Variants in CNGA1 observed in about 807,000 individuals in gnomAD.
The protein encoded by CNGA1 is cyclic nucleotide-gated channel alpha-1.
In CNGA1, 53 loss-of-function variants were observed where a neutral mutation model predicts 69.7. That is an observed-to-expected ratio of 0.76 (90% CI 0.61 to 0.96). The LOEUF is 0.96. Among genes scored for constraint, CNGA1 ranks in the 40% least tolerant of loss-of-function variants. The probability of loss-of-function intolerance (pLI) is 0.00; values close to 1 mark genes in which losing one functional copy is unlikely to be tolerated. For synonymous variants in CNGA1, 249 were observed against 283.5 expected (o/e 0.88, Z 1.22); for missense variants, 739 against 811.2 (o/e 0.91, Z 1.08).
intron 10 of CNGA1, 147 bp downstream of exon 10, chr4:47,940,616 G>T: frequency 1.6e-6 from 1 of 633,086 alleles, no homozygotes. Context: ...TTTATACATC[G>T]TGACTCTTGC....
chr4:47,941,521 A>G (rs912480737), intron 9 of CNGA1, among the ~76,000 whole-genome samples: 5 of 152,172 alleles, frequency 3.3e-5, no homozygotes, highest in African/African-American at 1.2e-4. Flanking sequence ...TTTTTTTCTC[A>G]TAGGTCAAAG....
intron 3 of CNGA1, among the ~76,000 whole-genome samples, chr4:47,960,510 A>C (rs908888747): frequency 6.6e-6 from 1 of 152,212 alleles, no homozygotes; most frequent in Non-Finnish European, 1.5e-5. Context: ...CACAAAAAAG[A>C]CACTAAATCT....
At chr4:47,986,974 ATTGTG>A (rs56279900) in intron 2 of CNGA1, among the ~76,000 whole-genome samples, 43,057 of 151,588 alleles carry the variant, frequency 0.28, 6,726 homozygotes, top group African/African-American at 0.43. Context: ...GGATAAGAGT[ATTGTG>A]TTGTGTTGTG....
intron 2 of CNGA1, among the ~76,000 whole-genome samples, chr4:47,997,169 TA>T (rs1249598359): frequency 4.6e-5 from 7 of 152,194 alleles, no homozygotes; most frequent in Non-Finnish European, 8.8e-5. Flanking sequence ...TATTGTTGCT[TA>T]TTACCCTTCC....
At chr4:47,995,013 T>C (rs1742424026) in intron 2 of CNGA1, among the ~76,000 whole-genome samples, 1 of 152,202 alleles carries the variant, frequency 6.6e-6, no homozygotes, top group South Asian at 2.1e-4. Context: ...ATAGAATCCC[T>C]TCTAGCTTGT....
Position 47,937,075 on chromosome 4 carries a change from T to C in CNGA1, c.1407A>G (p.Thr469=), listed in dbSNP as rs201553765. The C allele has an allele frequency of 3.5e-4, 557 of 1,614,238 alleles. 3 individuals carry two copies. The highest frequency in any genetic ancestry group is 4.5e-4 in the Non-Finnish European group (527 of 1,180,046). ...AEIAINVHLD[T]LKKVRIFADC... ...CAGCAAAAATGCGTACCTTTTTTAA[T>C]GTGTCTAAGTGAACGTTGATGGCAA... Residue 469 remains threonine, a synonymous_variant, in exon 11 of 11, where the codon ACA becomes ACG. Coordinates refer to ENST00000514170, the MANE Select transcript of CNGA1 (RefSeq NM_001379270.1).
chr4:47,970,156 T>A (rs1045574006), intron 3 of CNGA1, among the ~76,000 whole-genome samples: 1 of 152,162 alleles, frequency 6.6e-6, no homozygotes, highest in Non-Finnish European at 1.5e-5. Flanking sequence ...GTAGCCAAAC[T>A]GTTAATACCA....
intron 3 of CNGA1, among the ~76,000 whole-genome samples, chr4:47,957,892 ATTT>A (rs544231975): frequency 0.11 from 13,686 of 121,174 alleles, 1,005 homozygotes; most frequent in East Asian, 0.3. Flanking sequence ...TGTGTTTGTA[ATTT>A]TTTTTTTTTT....
intron 3 of CNGA1, among the ~76,000 whole-genome samples, chr4:47,956,358 A>G (rs11939197): frequency 0.01 from 1,597 of 152,338 alleles, 25 homozygotes; most frequent in Non-Finnish European, 0.015. Flanking sequence ...CTGTTGTGCC[A>G]GGTGCAGTGG....
At chr4:47,986,990 T>C (rs1355679927) in intron 2 of CNGA1, among the ~76,000 whole-genome samples, 2 of 152,064 alleles carry the variant, frequency 1.3e-5, no homozygotes, top group East Asian at 3.9e-4. Context: ...TTGTGTTGTG[T>C]TGTGTTGTGT....
In CNGA1 at chr4:47,936,784, G is replaced by A. The variant is rs201633176; in HGVS notation, c.1698C>T (p.Tyr566=). 1 of 1,613,070 alleles carries A rather than the reference G, an allele frequency of 6.2e-7. No individual in the cohort carries two copies. Among genetic ancestry groups the A allele is most frequent in the Admixed American group, 1.7e-5 (1 of 59,994 alleles). ...CTTTTGAGAGACAGAACAGGTCTGA[G>A]TAGCCAATACTTTTAATATTGGCCG... is the stretch of plus-strand genomic sequence containing the variant. The part of the protein sequence containing the change: ...RRTANIKSIG[Y]SDLFCLSKDD... Residue 566 remains tyrosine, a synonymous_variant, in exon 11 of 11, where the codon TAC becomes TAT. Coordinates refer to ENST00000514170, the MANE Select transcript of CNGA1 (RefSeq NM_001379270.1).
At chr4:47,975,983 C>T (rs1741328251) in intron 3 of CNGA1, among the ~76,000 whole-genome samples, 1 of 150,758 alleles carries the variant, frequency 6.6e-6, no homozygotes, top group Non-Finnish European at 1.5e-5. Context: ...TTCCTCACCC[C>T]AATATCTGTT....
intron 3 of CNGA1, among the ~76,000 whole-genome samples, chr4:47,963,799 G>A (rs1740585695): frequency 6.6e-6 from 1 of 152,020 alleles, no homozygotes; most frequent in Non-Finnish European, 1.5e-5. Context: ...GGACTCTTAA[G>A]TAAATTAAAA....
chr4:47,985,045 G>T (rs953103815), intron 2 of CNGA1, among the ~76,000 whole-genome samples: 2 of 152,038 alleles, frequency 1.3e-5, no homozygotes, highest in African/African-American at 4.8e-5. Flanking sequence ...CTGTTCACTA[G>T]CTCTGGGATT....
intron 3 of CNGA1, among the ~76,000 whole-genome samples, chr4:47,980,771 G>A (rs1741665357): frequency 1.3e-5 from 2 of 152,064 alleles, no homozygotes; most frequent in South Asian, 4.1e-4. Flanking sequence ...ACCAGGCCCA[G>A]CCAATAACTG....
intron 3 of CNGA1, among the ~76,000 whole-genome samples, chr4:47,960,912 T>C (rs556009468): frequency 1.3e-5 from 2 of 152,122 alleles, no homozygotes; most frequent in South Asian, 4.2e-4. Context: ...GGGGGTGAAA[T>C]TTACTGAAAA....
chr4:48,003,102 G>A (rs1254401014), intron 2 of CNGA1, among the ~76,000 whole-genome samples: 1 of 152,160 alleles, frequency 6.6e-6, no homozygotes, highest in African/African-American at 2.4e-5. Context: ...GGTGGTCAGA[G>A]CATCACTGGG....
At chr4:48,007,971 A>G (rs1714994405) in intron 2 of CNGA1, among the ~76,000 whole-genome samples, 1 of 152,202 alleles carries the variant, frequency 6.6e-6, no homozygotes, top group African/African-American at 2.4e-5. Flanking sequence ...AAAAACAGCA[A>G]GATGCAATAG....
chr4:47,990,033 C>A lies in CNGA1; in HGVS notation c.-122-8533G>T, dbSNP rs1742185638. ...CTGAGGATGTGTGTTGCCTCAGGAC[C>A]CTGTGATGATTGCATTAACGGTACA... On this transcript the variant is annotated intron_variant, in intron 2 of 10. Transcript: ENST00000514170. Among the ~76,000 whole-genome samples, 9 of 149,276 alleles carry A rather than the reference C, an allele frequency of 6.0e-5. No individual in the cohort carries two copies. The South Asian group carries it at 1.9e-3, about 31-fold the overall frequency.
Sources: gnomAD v4.1 joint callset for allele counts (sites outside exome capture counted in the v4.1 genomes callset) on GRCh38, gnomAD v4.1.1 for gene constraint, MANE v1.5 for transcripts, NCBI Gene and HGNC (gene_info 2026-07-23, HGNC 2026-07-21) for gene names.